PPP4R3B: variants seen among roughly 807,000 people sequenced by gnomAD.
PPP4R3B encodes serine/threonine-protein phosphatase 4 regulatory subunit 3B.
A neutral mutation model predicts 95.4 loss-of-function variants in PPP4R3B; 52 were observed. That is an observed-to-expected ratio of 0.54 (90% CI 0.44 to 0.69). PPP4R3B has a LOEUF of 0.69. Among genes scored for constraint, PPP4R3B ranks in the 30% least tolerant of loss-of-function variants. PPP4R3B has a pLI of 0.00. For synonymous variants in PPP4R3B, 407 were observed against 343.9 expected (o/e 1.18, Z -2.03); for missense variants, 1,003 against 1,005.9 (o/e 1.00, Z 0.04).
intron 16 of PPP4R3B, among the ~76,000 whole-genome samples, chr2:55,550,311 A>G (rs1321291517): frequency 6.6e-6 from 1 of 152,194 alleles, no homozygotes; most frequent in Non-Finnish European, 1.5e-5. Context: ...ATAACAATTA[A>G]TAACATTTGG....
rs1684849850 is a variant in PPP4R3B at position 55,547,473 on chromosome 2, G to A, written c.*2438C>T. The A allele has an allele frequency of 6.6e-6, 1 of 152,138 alleles. No individual in the cohort carries two copies. The highest frequency in any genetic ancestry group is 2.1e-4 in the South Asian group (1 of 4,828). 9.4% of individuals were successfully genotyped at this position (152,138 alleles called of 1,614,324 possible). On this transcript the variant is annotated 3_prime_UTR_variant, in exon 17 of 17. Coordinates refer to ENST00000616407, the MANE Select transcript of PPP4R3B (RefSeq NM_001122964.3). ...GTCGTTTAAAGACAGCCGCTAACAT[G>A]GAATTCTCACAATTGTTCTTTTGAG...
At chr2:55,554,112 G>A (rs978300974) in intron 16 of PPP4R3B, among the ~76,000 whole-genome samples, 14 of 152,224 alleles carry the variant, frequency 9.2e-5, no homozygotes, top group African/African-American at 2.2e-4. Context: ...TTAGAGACTC[G>A]AAAGTGCAGT....
At chr2:55,595,630 T>C (rs1350455535) in intron 4 of PPP4R3B, among the ~76,000 whole-genome samples, 2 of 151,934 alleles carry the variant, frequency 1.3e-5, no homozygotes, top group African/African-American at 4.8e-5. Context: ...TAGCCCCTTT[T>C]ACATTTTTGC....
chr2:55,590,338 AAAT>A (rs538317131), intron 4 of PPP4R3B, among the ~76,000 whole-genome samples: 1 of 152,082 alleles, frequency 6.6e-6, no homozygotes, highest in Non-Finnish European at 1.5e-5. Context: ...AACAACAACA[AAAT>A]AATAATAATA....
At chr2:55,559,491 C>A (rs1158266883) in intron 15 of PPP4R3B, among the ~76,000 whole-genome samples, 2 of 151,808 alleles carry the variant, frequency 1.3e-5, no homozygotes, top group Non-Finnish European at 2.9e-5. Flanking sequence ...AAATTGTAAT[C>A]CCCACATGTC....
chr2:55,598,624 T>C lies in PPP4R3B; in HGVS notation c.713A>G (p.His238Arg). ...TGCAGTTTTGGTCAAGAATTCTCTA[T>C]GTCTTTTTGGCTGAGCCAAAGCAGG... is the stretch of plus-strand genomic sequence containing the variant. Reference protein sequence around the residue: ...YDPALAQPKRHREFLTKTAKF... With the variant: ...YDPALAQPKRRREFLTKTAKF... Residue 238 changes from histidine to arginine, a missense_variant, in exon 4 of 17, where the codon CAT (histidine) becomes CGT (arginine). This residue lies in a region of PPP4R3B where 695 missense variants were observed against 686.2 expected (regional missense o/e 1.01). Transcript: ENST00000616407. 1 of 1,614,212 alleles carries C rather than the reference T, an allele frequency of 6.2e-7. No individual in the cohort carries two copies. Among genetic ancestry groups the C allele is most frequent in the Non-Finnish European group, 8.5e-7 (1 of 1,180,036 alleles).
chr2:55,576,446 A>G (rs59987759), intron 11 of PPP4R3B, among the ~76,000 whole-genome samples: 2 of 151,322 alleles, frequency 1.3e-5, no homozygotes, highest in Non-Finnish European at 2.9e-5. Flanking sequence ...AATTAAGTTT[A>G]AAAAAACAAA....
In PPP4R3B at chr2:55,598,536, G is replaced by A; in HGVS notation, c.801C>T (p.Tyr267=). The part of the protein sequence containing the change: ...SELRQKIHQT[Y]RVQYIQDIIL... ...TGATGTCCTGAATGTACTGTACCCTGTAAGTCTGATGTATTTTTTGCCTTA... is the reference window on the plus strand; with the variant it reads ...TGATGTCCTGAATGTACTGTACCCTATAAGTCTGATGTATTTTTTGCCTTA... Residue 267 remains tyrosine (Y), a synonymous_variant, in exon 4 of 17, where the codon TAC becomes TAT. Transcript: ENST00000616407. 6 of 1,614,166 alleles carry A rather than the reference G, an allele frequency of 3.7e-6. No homozygotes were observed. Among genetic ancestry groups the A allele is most frequent in the South Asian group, 1.1e-5 (1 of 91,090 alleles).
intron 2 of PPP4R3B, among the ~76,000 whole-genome samples, chr2:55,612,829 C>A (rs956219690): frequency 6.6e-6 from 1 of 151,916 alleles, no homozygotes; most frequent in Non-Finnish European, 1.5e-5. Context: ...GCCTGTAGTC[C>A]CAACTACTTG....
chr2:55,556,787 C>G (rs913301121), intron 16 of PPP4R3B, among the ~76,000 whole-genome samples: 1 of 152,096 alleles, frequency 6.6e-6, no homozygotes, highest in Admixed American at 6.6e-5. Flanking sequence ...GAAAGTCGGC[C>G]GGGCATGGTG....
At position 55,549,859 on chromosome 2, in the gene PPP4R3B, G is replaced by T; in HGVS notation, c.*52C>A. 2 of 1,328,044 alleles carry T rather than the reference G, an allele frequency of 1.5e-6. No individual in the cohort carries two copies. Among genetic ancestry groups the T allele is most frequent in the Non-Finnish European group, 1.1e-6 (1 of 920,736 alleles). 82.3% of individuals were successfully genotyped at this position (1,328,044 alleles called of 1,614,324 possible). A position where few individuals can be genotyped will look rare whatever the true frequency, so the allele number is the denominator to read the frequency against. On this transcript the variant is annotated 3_prime_UTR_variant, in exon 17 of 17. Transcript: ENST00000616407. Reference sequence around the variant, plus strand: ...TTCTGATTCAGATTTTCAGCTCACTGAACAGTTGCAGCATTGTAAGACCAC... The same window carrying T: ...TTCTGATTCAGATTTTCAGCTCACTTAACAGTTGCAGCATTGTAAGACCAC...
intron 7 of PPP4R3B, among the ~76,000 whole-genome samples, chr2:55,582,385 C>A (rs1337778014): frequency 6.6e-6 from 1 of 152,100 alleles, no homozygotes; most frequent in Non-Finnish European, 1.5e-5. Flanking sequence ...TCTTTAGTAG[C>A]TGGGATTAAA....
chr2:55,552,324 T>C (rs1288990311), intron 16 of PPP4R3B, among the ~76,000 whole-genome samples: 3 of 52,626 alleles, frequency 5.7e-5, no homozygotes, highest in Non-Finnish European at 1.4e-4. Context: ...ATCATGTTCA[T>C]ATAAAAAAAA....
intron 12 of PPP4R3B, among the ~76,000 whole-genome samples, chr2:55,569,732 T>A (rs1687760180): frequency 6.6e-6 from 1 of 152,116 alleles, no homozygotes; most frequent in Admixed American, 6.5e-5. Context: ...CAGCCTGGCA[T>A]TCGGGGCCAC....
Position 55,588,966 on chromosome 2 carries a change from A to G in PPP4R3B, c.922-10T>C. The G allele has an allele frequency of 6.6e-7, 1 of 1,520,760 alleles. No homozygotes were observed. The highest frequency in any genetic ancestry group is 9.1e-7 in the Non-Finnish European group (1 of 1,100,472). The allele number at this position is 1,520,760 out of a possible 1,614,324, so 94.2% of individuals were successfully genotyped here. A position where few individuals can be genotyped will look rare whatever the true frequency, so the allele number is the denominator to read the frequency against. On this transcript the variant is annotated splice_polypyrimidine_tract_variant and intron_variant, in intron 4 of 16. Transcript: ENST00000616407. ...AAAACTTCTCATCTTCCTGCATGAG[A>G]AAAATAATTACTATGAAATATTAAC...
At chr2:55,600,831 A>C (rs987319176) in intron 3 of PPP4R3B, among the ~76,000 whole-genome samples, 1 of 152,146 alleles carries the variant, frequency 6.6e-6, no homozygotes, top group Non-Finnish European at 1.5e-5. Context: ...AACATGAAAA[A>C]ATGAGTAATG....
chr2:55,609,322 ATTCT>A (rs1489342881), intron 2 of PPP4R3B, among the ~76,000 whole-genome samples: 1 of 152,096 alleles, frequency 6.6e-6, no homozygotes, highest in Non-Finnish European at 1.5e-5. Flanking sequence ...GCCTTTTATG[ATTCT>A]TAAATTAGAA....
chr2:55,590,851 G>A (rs1033793644), intron 4 of PPP4R3B, among the ~76,000 whole-genome samples: 1 of 152,090 alleles, frequency 6.6e-6, no homozygotes, highest in African/African-American at 2.4e-5. Context: ...AAATAACGTG[G>A]AACATGTATT....
intron 15 of PPP4R3B, among the ~76,000 whole-genome samples, chr2:55,560,769 T>C (rs1686489568): frequency 3.0e-5 from 3 of 101,566 alleles, no homozygotes; most frequent in Admixed American, 1.5e-4. Context: ...AGAGAGAGAC[T>C]CCATCTCAGA....
Sources: allele counts gnomAD v4.1 joint callset (sites outside exome capture counted in the v4.1 genomes callset), GRCh38; gene constraint gnomAD v4.1.1; regional missense constraint gnomAD v4.1.1; transcripts MANE v1.5; gene names NCBI Gene and HGNC (gene_info 2026-07-23, HGNC 2026-07-21).